The following CAMK2G variants were observed in gnomAD, a reference collection of about 807,000 sequenced individuals.
The protein encoded by CAMK2G is calcium/calmodulin-dependent protein kinase type II subunit gamma.
A neutral mutation model predicts 88.7 loss-of-function variants in CAMK2G; 23 were observed. That is an observed-to-expected ratio of 0.26 (90% CI 0.19 to 0.37). The LOEUF (loss-of-function observed/expected upper bound fraction) is 0.37. CAMK2G is among the 10% of genes least tolerant of loss of function. The pLI, the probability that CAMK2G is intolerant of heterozygous loss-of-function variation, is 1.00. For synonymous variants in CAMK2G, 263 were observed against 294.8 expected (o/e 0.89, Z 1.11); for missense variants, 476 against 780.8 (o/e 0.61, Z 4.65).
chr10:73,851,957 G>A (rs1330274426), intron 5 of CAMK2G, among the ~76,000 whole-genome samples: 1 of 152,094 alleles, frequency 6.6e-6, no homozygotes, highest in Non-Finnish European at 1.5e-5. Flanking sequence ...ATGTTGGCCA[G>A]GCTGGGCTCC....
intron 15 of CAMK2G, among the ~76,000 whole-genome samples, chr10:73,827,094 C>T (rs2133717738): frequency 6.6e-6 from 1 of 152,314 alleles, no homozygotes; most frequent in East Asian, 1.9e-4. Flanking sequence ...CCTGTAAATC[C>T]CAGCTGAGGC....
chr10:73,850,383 T>C (rs2094533586), intron 5 of CAMK2G, among the ~76,000 whole-genome samples: 1 of 152,158 alleles, frequency 6.6e-6, no homozygotes, highest in Admixed American at 6.5e-5. Flanking sequence ...GGGGGCAGTC[T>C]AGAGCAGTGG....
At chr10:73,828,381 C>T (rs1021112110) in intron 14 of CAMK2G, among the ~76,000 whole-genome samples, 2 of 152,130 alleles carry the variant, frequency 1.3e-5, no homozygotes, top group East Asian at 3.9e-4. Flanking sequence ...ATGTCTCAGC[C>T]TTGCTCAAAA....
intron 19 of CAMK2G, among the ~76,000 whole-genome samples, chr10:73,817,997 C>A (rs1012887597): frequency 1.3e-5 from 2 of 152,188 alleles, no homozygotes; most frequent in Admixed American, 6.5e-5. Flanking sequence ...TCACCACCCC[C>A]ACTCGTAGCC....
At chr10:73,820,689 T>TTTTTTTTTTTTG (rs2088120461) in intron 18 of CAMK2G, among the ~76,000 whole-genome samples, 1 of 104,670 alleles carries the variant, frequency 9.6e-6, no homozygotes, top group East Asian at 3.9e-4. Context: ...TTTTTTTTTT[T>TTTTTTTTTTTTG]GAGAAGAAGT....
intron 3 of CAMK2G, among the ~76,000 whole-genome samples, chr10:73,857,254 C>T (rs1484530723): frequency 6.6e-6 from 1 of 152,160 alleles, no homozygotes; most frequent in Non-Finnish European, 1.5e-5. Flanking sequence ...GAAGAGATCA[C>T]TTCTAGGGGC....
At chr10:73,866,898 A>G (rs1299785510) in intron 2 of CAMK2G, among the ~76,000 whole-genome samples, 2 of 152,232 alleles carry the variant, frequency 1.3e-5, no homozygotes, top group African/African-American at 4.8e-5. Flanking sequence ...ATCCCAAGCC[A>G]CGATCCCACC....
intron 2 of CAMK2G, among the ~76,000 whole-genome samples, chr10:73,870,014 A>G (rs1226724153): frequency 6.6e-6 from 1 of 152,244 alleles, no homozygotes; most frequent in Admixed American, 6.5e-5. Context: ...TTTGGATATA[A>G]GCAAAGAGAG....
intron 5 of CAMK2G, among the ~76,000 whole-genome samples, chr10:73,849,813 A>C (rs2094496602): frequency 2.0e-5 from 3 of 152,170 alleles, no homozygotes; most frequent in African/African-American, 4.8e-5. Context: ...CTAAATGTTT[A>C]TTGAGTGCCT....
intron 2 of CAMK2G, among the ~76,000 whole-genome samples, chr10:73,872,357 C>T (rs1289012961): frequency 6.6e-6 from 1 of 151,544 alleles, no homozygotes; most frequent in Non-Finnish European, 1.5e-5. Context: ...ATTTCTAGAC[C>T]ATGAGGCATC....
At chr10:73,855,637 G>A (rs1465565583) in intron 3 of CAMK2G, among the ~76,000 whole-genome samples, 7 of 152,192 alleles carry the variant, frequency 4.6e-5, no homozygotes, top group Admixed American at 3.3e-4. Flanking sequence ...AGTCATTGGC[G>A]TCTGCCCTTC....
chr10:73,817,701 G>A (rs1385507284), intron 19 of CAMK2G, 147 bp from the exon 20 acceptor site: 2 of 640,268 alleles, frequency 3.1e-6, no homozygotes, highest in South Asian at 1.8e-5. Context: ...CAGGAAGAGC[G>A]AACACACCTT....
chr10:73,839,485 G>A lies in CAMK2G; in HGVS notation c.1009+54C>T. 9.5e-7 allele frequency: 1 copy of A among 1,057,898 alleles called. No individual in the cohort carries two copies. Among genetic ancestry groups the A allele is most frequent in the South Asian group, 4.8e-5 (1 of 21,046 alleles). 65.5% of individuals were successfully genotyped at this position (1,057,898 alleles called of 1,614,324 possible). A position where few individuals can be genotyped will look rare whatever the true frequency, so the allele number is the denominator to read the frequency against. ...GTGGGCCCGGCATGCTGGCCCTCCT[G>A]GTGGGGTGGCAGGGGGCCGAGGCAG... On this transcript the variant is annotated intron_variant, in intron 13 of 22. Coordinates refer to ENST00000423381, the MANE Select transcript of CAMK2G (RefSeq NM_001367534.1). This position sits in a 1 kb window ranked among gnomAD's most constrained non-coding sequence, Gnocchi z 4.2.
intron 12 of CAMK2G, chr10:73,841,942 C>T (rs1309628767): frequency 3.5e-6 from 2 of 568,546 alleles, no homozygotes; most frequent in Non-Finnish European, 6.3e-6. Flanking sequence ...GGGCAGGCTA[C>T]TCCTTGGGAA....
intron 14 of CAMK2G, among the ~76,000 whole-genome samples, chr10:73,833,586 G>T (rs1284079321): frequency 7.1e-6 from 1 of 140,306 alleles, no homozygotes; most frequent in Non-Finnish European, 1.5e-5. Flanking sequence ...TATTTTCTTT[G>T]ATCATCTATC....
Position 73,852,155 on chromosome 10 carries a change from C to T in CAMK2G, c.341+99G>A, listed in dbSNP as rs2094675475. 3.5e-6 allele frequency: 3 copies of T among 859,004 alleles called. No individual in the cohort carries two copies. In the South Asian group the frequency reaches 4.1e-5, roughly 12 times the overall value. 53.2% of individuals were successfully genotyped at this position (859,004 alleles called of 1,614,324 possible). On this transcript the variant is annotated intron_variant, in intron 5 of 22. Coordinates refer to ENST00000423381, the MANE Select transcript of CAMK2G (RefSeq NM_001367534.1). ...GAGCTATTCTGATCTTCCCCAAAGA[C>T]TATTCAAACAGGTACAATGCTGGAC... is the stretch of plus-strand genomic sequence containing the variant.
intron 15 of CAMK2G, among the ~76,000 whole-genome samples, chr10:73,826,523 G>A (rs892324983): frequency 1.3e-5 from 2 of 152,132 alleles, no homozygotes; most frequent in South Asian, 2.1e-4. Flanking sequence ...AAGGAAGAAG[G>A]CTGATCTCCA....
chr10:73,852,368 C>T, intron 4 of CAMK2G, 49 bp from the exon 5 acceptor site: 1 of 1,490,628 alleles, frequency 6.7e-7, no homozygotes, highest in Non-Finnish European at 9.4e-7. Context: ...GGTCCTTTGT[C>T]CAACCCCAAT....
At chr10:73,851,418 G>C (rs1303236042) in intron 5 of CAMK2G, among the ~76,000 whole-genome samples, 1 of 152,160 alleles carries the variant, frequency 6.6e-6, no homozygotes, top group Non-Finnish European at 1.5e-5. Context: ...CCTCAAGTTG[G>C]AGGAGCCCCA....
Sources: allele counts gnomAD v4.1 joint callset (sites outside exome capture counted in the v4.1 genomes callset), GRCh38; gene constraint gnomAD v4.1.1; non-coding constraint Gnocchi (gnomAD v3.1); transcripts MANE v1.5; gene names NCBI Gene and HGNC (gene_info 2026-07-23, HGNC 2026-07-21).